JARID2: variants seen among roughly 807,000 people sequenced by gnomAD.
The protein encoded by JARID2 is protein Jumonji.
Under a neutral mutation model 125.6 loss-of-function variants are expected in JARID2, and 21 were observed. That is an observed-to-expected ratio of 0.17 (90% CI 0.12 to 0.24). JARID2 has a LOEUF of 0.24. Among genes scored for constraint, JARID2 ranks in the 10% least tolerant of loss-of-function variants. The pLI, the probability that JARID2 is intolerant of heterozygous loss-of-function variation, is 1.00. For synonymous variants in JARID2, 736 were observed against 661.6 expected (o/e 1.11, Z -1.73); for missense variants, 1,303 against 1,639.6 (o/e 0.79, Z 3.55).
chr6:15,443,550 A>G (rs1474723446), intron 3 of JARID2, among the ~76,000 whole-genome samples: 1 of 152,168 alleles, frequency 6.6e-6, no homozygotes, highest in East Asian at 1.9e-4. Flanking sequence ...TTGCTGTTTT[A>G]CTGGCAGTTA....
intron 1 of JARID2, among the ~76,000 whole-genome samples, chr6:15,288,174 T>G (rs1041438659): frequency 6.6e-6 from 1 of 152,124 alleles, no homozygotes; most frequent in African/African-American, 2.4e-5. Context: ...GAAAAGAGGT[T>G]TAATTGGCTC....
chr6:15,384,542 A>C (rs1401158724), intron 2 of JARID2, among the ~76,000 whole-genome samples: 2 of 151,982 alleles, frequency 1.3e-5, no homozygotes, highest in East Asian at 3.9e-4. Flanking sequence ...GTCATCTGTT[A>C]CTTCTTTTTT....
At chr6:15,351,801 T>G (rs952866552) in intron 1 of JARID2, among the ~76,000 whole-genome samples, 1 of 152,184 alleles carries the variant, frequency 6.6e-6, no homozygotes, top group African/African-American at 2.4e-5. Flanking sequence ...CATCTGTAGC[T>G]GCTTCCCTTG....
chr6:15,372,709 T>C (rs1192950885), intron 1 of JARID2, among the ~76,000 whole-genome samples: 3 of 151,752 alleles, frequency 2.0e-5, no homozygotes, highest in African/African-American at 7.3e-5. Context: ...TTCTTATTTA[T>C]TTATTTATTT....
chr6:15,410,508 C>A, intron 3 of JARID2, 143 bp downstream of exon 3: 1 of 762,934 alleles, frequency 1.3e-6, no homozygotes. Context: ...GGTTTCGTAT[C>A]AAATGCCCTG....
At chr6:15,276,646 C>T (rs1760532153) in intron 1 of JARID2, among the ~76,000 whole-genome samples, 1 of 152,152 alleles carries the variant, frequency 6.6e-6, no homozygotes, top group Non-Finnish European at 1.5e-5. Context: ...GTGCTTTCTA[C>T]ATTAGGTCGG....
At chr6:15,428,418 C>T (rs1431455703) in intron 3 of JARID2, among the ~76,000 whole-genome samples, 31 of 152,118 alleles carry the variant, frequency 2.0e-4, no homozygotes, top group Admixed American at 2.0e-3. Flanking sequence ...TATCCCTCCA[C>T]CCTCCCGCCA....
intron 1 of JARID2, among the ~76,000 whole-genome samples, chr6:15,325,359 C>G (rs1762504487): frequency 6.6e-6 from 1 of 152,062 alleles, no homozygotes; most frequent in African/African-American, 2.4e-5. Context: ...TTTTTTCCCC[C>G]TATTTAATTT....
chr6:15,299,173 C>T (rs1161175381), intron 1 of JARID2, among the ~76,000 whole-genome samples: 4 of 152,164 alleles, frequency 2.6e-5, no homozygotes, highest in Non-Finnish European at 5.9e-5. Flanking sequence ...TTGAATACAA[C>T]CCCTTGGACA....
chr6:15,376,145 A>G (rs982019694), intron 2 of JARID2, among the ~76,000 whole-genome samples: 2 of 152,136 alleles, frequency 1.3e-5, no homozygotes, highest in African/African-American at 4.8e-5. Context: ...AAGTCTTTTT[A>G]TTTATTCTGG....
At chr6:15,444,589 A>G (rs1046956744) in intron 3 of JARID2, among the ~76,000 whole-genome samples, 5 of 150,282 alleles carry the variant, frequency 3.3e-5, no homozygotes, top group African/African-American at 7.4e-5. Context: ...GTGGGTAATT[A>G]TTTTGGGGAT....
rs542400191 is a variant in JARID2, at chr6:15,267,070, C to G, written c.45+20486C>G. On this transcript the variant is annotated intron_variant, in intron 1 of 17. Coordinates refer to ENST00000341776, the MANE Select transcript of JARID2 (RefSeq NM_004973.4). Reference sequence around the variant, plus strand: ...TTAGTATTGCTTCTAGCTGCGTGATCGAGGGTTTGGGTTAATGCTGACATA... The same window carrying G: ...TTAGTATTGCTTCTAGCTGCGTGATGGAGGGTTTGGGTTAATGCTGACATA... Among the ~76,000 whole-genome samples, 9 of 152,262 alleles carry G rather than the reference C, an allele frequency of 5.9e-5. No individual in the cohort carries two copies. In the South Asian group the frequency reaches 1.7e-3, roughly 28 times the overall value.
At chr6:15,369,899 G>A (rs1764103066) in intron 1 of JARID2, among the ~76,000 whole-genome samples, 2 of 152,362 alleles carry the variant, frequency 1.3e-5, no homozygotes, top group South Asian at 4.1e-4. Context: ...TGAGGAACGA[G>A]TGGTAGCAGC....
chr6:15,247,935 G>C (rs2127281133), intron 1 of JARID2: 1 of 985,490 alleles, frequency 1.0e-6, no homozygotes, highest in African/African-American at 1.7e-5. Flanking sequence ...TTGTCTTGGA[G>C]CGTGGACGCC....
rs534016617 is a variant in JARID2, at chr6:15,388,195, G to C, written c.181+13943G>C. Among the ~76,000 whole-genome samples the C allele has an allele frequency of 6.6e-5, 10 of 152,216 alleles. No homozygotes were observed. In the South Asian group the frequency reaches 2.1e-3, roughly 32 times the overall value. On this transcript the variant is annotated intron_variant, in intron 2 of 17. Coordinates refer to ENST00000341776, the MANE Select transcript of JARID2 (RefSeq NM_004973.4). ...GGACTAGGGTAGTTTTGCTGTGCTT[G>C]TGAATGTCTTAGATCTGATTTCCCT...
chr6:15,379,227 G>A (rs1764487615), intron 2 of JARID2, among the ~76,000 whole-genome samples: 1 of 151,950 alleles, frequency 6.6e-6, no homozygotes, highest in African/African-American at 2.4e-5. Flanking sequence ...AGCCTCATGA[G>A]TTGTCTGTGT....
At position 15,454,302 on chromosome 6, in the gene JARID2, A is replaced by G. The variant is rs115230273; in HGVS notation, c.493+2127A>G. ...TTTGGGACTGAATTGTTGGGGGGGA[A>G]ATTTTGACATTATAGGATAGTTCTT... On this transcript the variant is annotated intron_variant, in intron 4 of 17. Transcript: ENST00000341776. 4.5e-3 allele frequency among the ~76,000 whole-genome samples: 692 copies of G among 152,210 alleles called. 4 individuals carry two copies. Among genetic ancestry groups the G allele is most frequent in the African/African-American group, 0.016 (648 of 41,516 alleles).
intron 5 of JARID2, among the ~76,000 whole-genome samples, chr6:15,472,591 C>CT (rs1481754878): frequency 6.6e-6 from 1 of 152,150 alleles, no homozygotes; most frequent in Admixed American, 6.5e-5. Context: ...AGCAGAGTCC[C>CT]AGAACTACCA....
chr6:15,414,859 CAG>C (rs1006439364), intron 3 of JARID2, among the ~76,000 whole-genome samples: 3 of 151,706 alleles, frequency 2.0e-5, no homozygotes, highest in East Asian at 1.9e-4. Flanking sequence ...GTGTTTCTCA[CAG>C]AGGGGGATTT....
Sources: gnomAD v4.1 joint callset for allele counts (sites outside exome capture counted in the v4.1 genomes callset) on GRCh38, gnomAD v4.1.1 for gene constraint, MANE v1.5 for transcripts, NCBI Gene and HGNC (gene_info 2026-07-23, HGNC 2026-07-21) for gene names.